Variants in ATP6V1C2 observed in about 807,000 individuals in gnomAD.
ATP6V1C2 encodes the protein ATPase H+ transporting V1 subunit C2.
In ATP6V1C2, 45 loss-of-function variants were observed where a neutral mutation model predicts 56.8. The observed-to-expected ratio is 0.79, with a 90% CI of 0.62 to 1.02. The LOEUF (loss-of-function observed/expected upper bound fraction) is 1.02, where lower values mean the gene tolerates loss of function less well. ATP6V1C2 is among the 50% of genes least tolerant of loss of function. ATP6V1C2 has a pLI of 0.00. For missense variants in ATP6V1C2, 463 were observed against 519.7 expected (o/e 0.89, Z 1.06); for synonymous variants, 220 against 201.3 (o/e 1.09, Z -0.79).
intron 5 of ATP6V1C2, among the ~76,000 whole-genome samples, chr2:10,767,159 CTT>C (rs33943682): frequency 9.1e-6 from 1 of 109,326 alleles, no homozygotes. Flanking sequence ...CATTTTTTAT[CTT>C]TTTTTTTTTT....
intron 1 of ATP6V1C2, among the ~76,000 whole-genome samples, chr2:10,722,103 G>A (rs1406514221): frequency 1.3e-4 from 20 of 152,268 alleles, no homozygotes; most frequent in African/African-American, 4.8e-4. Context: ...GGAGGCAAGC[G>A]GAAAGGGGGA....
Position 10,726,572 on chromosome 2 carries a change from A to G in ATP6V1C2, c.197+3A>G. ...AAACTCGACACCTTTGCTGAAAGGT[A>G]AAATATTCCTTATTTACTACATACA... On this transcript the variant is annotated splice_donor_region_variant and intron_variant, in intron 3 of 13. Transcript: ENST00000272238. 6.2e-7 allele frequency: 1 copy of G among 1,609,710 alleles called. No individual in the cohort carries two copies.
At chr2:10,744,862 G>T (rs1459048949) in intron 3 of ATP6V1C2, among the ~76,000 whole-genome samples, 1 of 150,612 alleles carries the variant, frequency 6.6e-6, no homozygotes, top group Non-Finnish European at 1.5e-5. Flanking sequence ...GTAGAGATGG[G>T]GTTTCACCAT....
intron 10 of ATP6V1C2, 110 bp downstream of exon 10, chr2:10,775,181 C>T: frequency 1.2e-6 from 1 of 835,004 alleles, no homozygotes; most frequent in Non-Finnish European, 2.0e-6. Flanking sequence ...CCCCAGGCTC[C>T]TGGGCTCACA....
intron 5 of ATP6V1C2, among the ~76,000 whole-genome samples, chr2:10,764,932 C>G (rs749850425): frequency 7.9e-5 from 12 of 151,842 alleles, no homozygotes; most frequent in Non-Finnish European, 1.8e-4. Context: ...GATCATGCCA[C>G]TGCTCTCCAG....
chr2:10,768,415 C>T (rs1664368996), intron 5 of ATP6V1C2, among the ~76,000 whole-genome samples: 1 of 152,202 alleles, frequency 6.6e-6, no homozygotes, highest in Admixed American at 6.5e-5. Context: ...CCTGAGCTGC[C>T]CTCCAGCAGA....
intron 12 of ATP6V1C2, 82 bp downstream of exon 12, chr2:10,778,751 G>A: frequency 7.6e-7 from 1 of 1,316,306 alleles, no homozygotes; most frequent in Non-Finnish European, 1.1e-6. Context: ...CCCAGCTCCT[G>A]CCTTCTCTCC....
chr2:10,778,690 G>A (rs373344570), intron 12 of ATP6V1C2, 21 bp downstream of exon 12: 14 of 1,612,276 alleles, frequency 8.7e-6, no homozygotes, highest in African/African-American at 2.7e-5. Flanking sequence ...GTGATGCCCC[G>A]GCTGGGACTG....
In ATP6V1C2 at chr2:10,784,233, T is replaced by C. The variant is rs1246161953; in HGVS notation, c.*970T>C. On this transcript the variant is annotated 3_prime_UTR_variant, in exon 14 of 14. Coordinates refer to ENST00000272238, the MANE Select transcript of ATP6V1C2 (RefSeq NM_001039362.2). ...TCCACTGGCTCCCAAGAAAAGAAAA[T>C]GGTCTGAAGCCTCTGTTGTGGCTCT... 1.3e-6 allele frequency: 2 copies of C among 1,584,602 alleles called. No individual in the cohort carries two copies. The highest frequency in any genetic ancestry group is 1.7e-6 in the Non-Finnish European group (2 of 1,161,660).
intron 3 of ATP6V1C2, among the ~76,000 whole-genome samples, chr2:10,728,221 A>G (rs578178181): frequency 2.0e-5 from 3 of 152,002 alleles, no homozygotes; most frequent in Non-Finnish European, 2.9e-5. Flanking sequence ...ATCTGAGACT[A>G]TGGTCACATG....
chr2:10,722,697 C>A, intron 1 of ATP6V1C2, 127 bp from the exon 2 acceptor site: 1 of 1,066,840 alleles, frequency 9.4e-7, no homozygotes, highest in Non-Finnish European at 1.3e-6. Context: ...TTTGCTTTTG[C>A]AAATGGATGT....
In ATP6V1C2 at chr2:10,765,203, G is replaced by C. The variant is rs181087070; in HGVS notation, c.378+778G>C. On this transcript the variant is annotated intron_variant, in intron 5 of 13. Transcript: ENST00000272238. ...TCCTGACAGTCCTCTGTCCTGTTCAGCAATGGCCTCCACTCCACTTGATAA... is the reference window on the plus strand; with the variant it reads ...TCCTGACAGTCCTCTGTCCTGTTCACCAATGGCCTCCACTCCACTTGATAA... Among the ~76,000 whole-genome samples the C allele has an allele frequency of 4.8e-3, 728 of 152,270 alleles. 2 individuals are homozygous for C. The highest frequency in any genetic ancestry group is 0.01 in the Admixed American group (160 of 15,302).
intron 3 of ATP6V1C2, among the ~76,000 whole-genome samples, chr2:10,744,818 G>A (rs774872932): frequency 2.3e-4 from 34 of 149,140 alleles, no homozygotes; most frequent in East Asian, 4.0e-4. Flanking sequence ...ACAGGCGTGC[G>A]CCACCACGCC....
At chr2:10,737,745 A>G (rs1290656204) in intron 3 of ATP6V1C2, among the ~76,000 whole-genome samples, 1 of 152,292 alleles carries the variant, frequency 6.6e-6, no homozygotes, top group East Asian at 1.9e-4. Context: ...GCTGGAGTGA[A>G]GTGGCGCAAT....
chr2:10,774,070 C>T (rs1305622362), intron 8 of ATP6V1C2, among the ~76,000 whole-genome samples: 1 of 152,222 alleles, frequency 6.6e-6, no homozygotes. Flanking sequence ...GGCCTGGCCT[C>T]CCAGACCAGA....
intron 4 of ATP6V1C2, among the ~76,000 whole-genome samples, chr2:10,762,226 A>T (rs1355863583): frequency 6.6e-6 from 1 of 150,940 alleles, no homozygotes; most frequent in Non-Finnish European, 1.5e-5. Context: ...GCTCACTGCA[A>T]CCTCTGCCCC....
chr2:10,756,296 G>T (rs1055885895), intron 4 of ATP6V1C2, among the ~76,000 whole-genome samples: 7 of 152,102 alleles, frequency 4.6e-5, no homozygotes, highest in Non-Finnish European at 1.0e-4. Context: ...GGAGGCAGAG[G>T]TTGCTGTGAG....
In ATP6V1C2 at chr2:10,728,256, A is replaced by AT. The variant is rs1001169259; in HGVS notation, c.197+1694dup. Among the ~76,000 whole-genome samples the AT allele has an allele frequency of 4.6e-5, 7 of 151,870 alleles. No homozygotes were observed. In the South Asian group the frequency reaches 8.4e-4, roughly 18 times the overall value. On this transcript the variant is annotated intron_variant, in intron 3 of 13. Transcript: ENST00000272238. ...GCCATCATGCCCAGCTAATTTTTGTATTTTTTTGGTAAAGACAAGGTCTCA... is the reference window on the plus strand; with the variant it reads ...GCCATCATGCCCAGCTAATTTTTGTATTTTTTTTGGTAAAGACAAGGTCTCA...
At position 10,732,241 on chromosome 2, in the gene ATP6V1C2, C is replaced by CTCTCTT. The variant is rs1276230129; in HGVS notation, c.197+5678_197+5683dup. Among the ~76,000 whole-genome samples the CTCTCTT allele has an allele frequency of 9.9e-5, 15 of 152,064 alleles. No individual in the cohort carries two copies. In the East Asian group the frequency reaches 1.4e-3, roughly 14 times the overall value. ...TCCATCCCTCCCTCTCCCTCTCTCT[C>CTCTCTT]TCTCTTTCTCTCACTCTTTCTCTCT... is the stretch of plus-strand genomic sequence containing the variant. On this transcript the variant is annotated intron_variant, in intron 3 of 13. Coordinates refer to ENST00000272238, the MANE Select transcript of ATP6V1C2 (RefSeq NM_001039362.2).
Sources: allele counts gnomAD v4.1 joint callset (sites outside exome capture counted in the v4.1 genomes callset), GRCh38; gene constraint gnomAD v4.1.1; transcripts MANE v1.5; gene names NCBI Gene and HGNC (gene_info 2026-07-23, HGNC 2026-07-21).